Variants in PHACTR1 observed in about 807,000 individuals in gnomAD.
PHACTR1 encodes phosphatase and actin regulator 1, also known as RPEL repeat containing 1.
Under a neutral mutation model 69.2 loss-of-function variants are expected in PHACTR1, and 16 were observed. The observed-to-expected ratio is 0.23, with a 90% CI of 0.16 to 0.35. The LOEUF is 0.35. Ranked by LOEUF, PHACTR1 falls within the 10% of genes least tolerant of loss-of-function variation. PHACTR1 has a pLI of 1.00. For missense variants in PHACTR1, 510 were observed against 734.7 expected (o/e 0.69, Z 3.54); for synonymous variants, 312 against 284.5 (o/e 1.10, Z -0.97).
chr6:12,804,692 T>A (rs1774101198), intron 4 of PHACTR1, among the ~76,000 whole-genome samples: 1 of 152,088 alleles, frequency 6.6e-6, no homozygotes. Flanking sequence ...TGTGGTGACA[T>A]GTGCCTGTAG....
At chr6:12,776,395 C>T (rs1770067174) in intron 4 of PHACTR1, among the ~76,000 whole-genome samples, 2 of 152,230 alleles carry the variant, frequency 1.3e-5, no homozygotes, top group African/African-American at 4.8e-5. Flanking sequence ...GGAATCAGTA[C>T]TTTCAGCAGC....
intron 3 of PHACTR1, among the ~76,000 whole-genome samples, chr6:12,744,140 C>G (rs1765462791): frequency 6.6e-6 from 1 of 151,502 alleles, no homozygotes; most frequent in African/African-American, 2.4e-5. Flanking sequence ...GGTCAGGAGC[C>G]CTGTACAAGT....
intron 4 of PHACTR1, among the ~76,000 whole-genome samples, chr6:12,845,127 C>T (rs1038436189): frequency 6.6e-6 from 1 of 152,096 alleles, no homozygotes. Context: ...GTTGGATCGA[C>T]GTTTTTCAAA....
chr6:13,049,849 C>T (rs1350712817), intron 4 of PHACTR1, among the ~76,000 whole-genome samples: 1 of 152,196 alleles, frequency 6.6e-6, no homozygotes, highest in African/African-American at 2.4e-5. Context: ...TGTGGGGAGC[C>T]ACCTGCAGTT....
At chr6:13,077,655 C>G (rs953396351) in intron 5 of PHACTR1, among the ~76,000 whole-genome samples, 1 of 152,240 alleles carries the variant, frequency 6.6e-6, no homozygotes, top group East Asian at 1.9e-4. Flanking sequence ...ATGATCACAG[C>G]TGGCCTTTGG....
chr6:12,947,611 C>T (rs1478002754), intron 4 of PHACTR1, among the ~76,000 whole-genome samples: 1 of 152,196 alleles, frequency 6.6e-6, no homozygotes, highest in Non-Finnish European at 1.5e-5. Flanking sequence ...CCTGGGTTTG[C>T]ATCCTGACTC....
intron 5 of PHACTR1, among the ~76,000 whole-genome samples, chr6:13,072,027 A>G (rs747683564): frequency 7.9e-5 from 12 of 152,250 alleles, no homozygotes; most frequent in Non-Finnish European, 1.6e-4. Context: ...TTGTAGCACA[A>G]AACTCTATTT....
At chr6:13,023,607 C>T (rs924147156) in intron 4 of PHACTR1, among the ~76,000 whole-genome samples, 1 of 152,204 alleles carries the variant, frequency 6.6e-6, no homozygotes, top group Non-Finnish European at 1.5e-5. Context: ...CCCCTTACCT[C>T]GGTTCTGAGG....
intron 4 of PHACTR1, among the ~76,000 whole-genome samples, chr6:12,831,168 C>T (rs951688046): frequency 6.6e-6 from 1 of 152,282 alleles, no homozygotes; most frequent in Non-Finnish European, 1.5e-5. Flanking sequence ...TTGCTCTGTG[C>T]ATAGTAGTTG....
At chr6:13,047,287 A>T (rs2127724599) in intron 4 of PHACTR1, among the ~76,000 whole-genome samples, 1 of 148,874 alleles carries the variant, frequency 6.7e-6, no homozygotes, top group Non-Finnish European at 1.5e-5. Context: ...CTGAGGCATG[A>T]GAATGGCTTG....
chr6:13,272,653 C>T (rs939744955), intron 10 of PHACTR1: 44 of 1,446,998 alleles, frequency 3.0e-5, no homozygotes, highest in South Asian at 2.3e-4. Context: ...CGGGGGTCAG[C>T]GGCTGTGACA....
At chr6:12,737,086 T>C (rs372034508) in intron 3 of PHACTR1, among the ~76,000 whole-genome samples, 67 of 152,134 alleles carry the variant, frequency 4.4e-4, no homozygotes, top group African/African-American at 1.5e-3. Context: ...TTCTGAAAAA[T>C]GTGTCATTAG....
At chr6:13,177,394 C>T (rs376807602) in intron 6 of PHACTR1, among the ~76,000 whole-genome samples, 25 of 111,520 alleles carry the variant, frequency 2.2e-4, no homozygotes, top group Non-Finnish European at 3.1e-4. Flanking sequence ...TATATATATA[C>T]ACACACACAC....
intron 4 of PHACTR1, among the ~76,000 whole-genome samples, chr6:12,767,582 T>C (rs915315706): frequency 1.3e-5 from 2 of 152,210 alleles, no homozygotes; most frequent in Non-Finnish European, 2.9e-5. Context: ...TTTCGTTTTT[T>C]AAAAATGTGA....
intron 4 of PHACTR1, among the ~76,000 whole-genome samples, chr6:12,893,402 A>G (rs866495661): frequency 3.3e-5 from 5 of 152,288 alleles, no homozygotes; most frequent in East Asian, 1.9e-4. Context: ...TCCATCAACA[A>G]TTTTTTTAAA....
intron 4 of PHACTR1, among the ~76,000 whole-genome samples, chr6:12,834,936 C>T (rs1777995050): frequency 6.6e-6 from 1 of 152,110 alleles, no homozygotes; most frequent in African/African-American, 2.4e-5. Context: ...TTCAAATACC[C>T]TCTTCGTAAA....
chr6:12,763,922 TA>T (rs1315429940), intron 4 of PHACTR1, among the ~76,000 whole-genome samples: 2 of 152,066 alleles, frequency 1.3e-5, no homozygotes, highest in Non-Finnish European at 2.9e-5. Context: ...TATTAATTAA[TA>T]ATTAATAAAA....
At chr6:13,261,787 G>A (rs375333665) in intron 10 of PHACTR1, among the ~76,000 whole-genome samples, 2 of 152,208 alleles carry the variant, frequency 1.3e-5, no homozygotes, top group African/African-American at 4.8e-5. Flanking sequence ...CAGAGGAAGT[G>A]ATACTGAAGC....
chr6:12,858,067 A>T (rs150369577), intron 4 of PHACTR1, among the ~76,000 whole-genome samples: 1 of 152,330 alleles, frequency 6.6e-6, no homozygotes, highest in African/African-American at 2.4e-5. Flanking sequence ...AGAGAAACAG[A>T]TATGCAATCT....
Sources: gnomAD v4.1 joint callset for allele counts (sites outside exome capture counted in the v4.1 genomes callset) on GRCh38, gnomAD v4.1.1 for gene constraint, MANE v1.5 for transcripts, NCBI Gene and HGNC (gene_info 2026-07-23, HGNC 2026-07-21) for gene names.